The following ARHGAP5 variants were observed in gnomAD, a reference collection of about 807,000 sequenced individuals.
ARHGAP5 encodes the protein rho GTPase-activating protein 5.
A neutral mutation model predicts 116.6 loss-of-function variants in ARHGAP5; 23 were observed. The ratio of observed to expected loss-of-function variants is 0.20; its 90% CI spans 0.14 to 0.28. The LOEUF is 0.28. ARHGAP5 is among the 10% of genes least tolerant of loss of function. The probability of loss-of-function intolerance (pLI) is 1.00; values close to 1 mark genes in which losing one functional copy is unlikely to be tolerated. For synonymous variants in ARHGAP5, 574 were observed against 602.0 expected (o/e 0.95, Z 0.68); for missense variants, 1,405 against 1,774.8 (o/e 0.79, Z 3.74).
chr14:32,135,579 C>T (rs1260676979), intron 3 of ARHGAP5, among the ~76,000 whole-genome samples: 6 of 152,192 alleles, frequency 3.9e-5, no homozygotes, highest in African/African-American at 1.2e-4. Context: ...CATGCCACCA[C>T]ACCCAGCTAA....
intron 3 of ARHGAP5, among the ~76,000 whole-genome samples, chr14:32,144,007 G>A (rs1318358043): frequency 2.0e-5 from 3 of 152,136 alleles, no homozygotes; most frequent in Non-Finnish European, 4.4e-5. Context: ...GGTGCATTAT[G>A]CCCCCAGCTG....
intron 3 of ARHGAP5, among the ~76,000 whole-genome samples, chr14:32,122,768 T>C (rs1382383539): frequency 6.6e-6 from 1 of 152,230 alleles, no homozygotes; most frequent in African/African-American, 2.4e-5. Context: ...AAAAAGACTA[T>C]TCTACTGAAT....
At chr14:32,115,263 C>T (rs541439131) in intron 2 of ARHGAP5, among the ~76,000 whole-genome samples, 4 of 152,176 alleles carry the variant, frequency 2.6e-5, no homozygotes, top group Non-Finnish European at 1.5e-5. Context: ...ATCATTTTCC[C>T]TCTAATGCTA....
In ARHGAP5 at chr14:32,093,698, A is replaced by G. The variant is rs1238397503; in HGVS notation, c.3029A>G (p.Tyr1010Cys). ...LLPTPSDRSR[Y>C]RLDLEGNEYP... ...CCAACACCTAGTGACCGTTCCAGATATAGATTAGATTTGGAAGGAAATGAG... is the reference window on the plus strand; with the variant it reads ...CCAACACCTAGTGACCGTTCCAGATGTAGATTAGATTTGGAAGGAAATGAG... The change falls in exon 2 of 7, where the codon TAT becomes TGT. Residue 1010 changes from tyrosine (Y) to cysteine (C), a missense_variant. By Grantham distance (194) the Tyr-to-Cys change is radical. Transcript: ENST00000345122. 2 of 1,614,100 alleles carry G rather than the reference A, an allele frequency of 1.2e-6. No homozygotes were observed. Among genetic ancestry groups the G allele is most frequent in the East Asian group, 2.2e-5 (1 of 44,874 alleles).
At position 32,155,941 on chromosome 14, in the gene ARHGAP5, A is replaced by G. The variant is rs1037989033; in HGVS notation, c.*993A>G. 1 of 152,510 alleles carries G rather than the reference A, an allele frequency of 6.6e-6. No homozygotes were observed. Among genetic ancestry groups the G allele is most frequent in the African/African-American group, 2.4e-5 (1 of 41,440 alleles). 9.4% of individuals were successfully genotyped at this position (152,510 alleles called of 1,614,324 possible). ...TCAATTTAATTTGTTCCTTGAATCT[A>G]TTTTTATGTGGCCCTTAAAAAATAT... On this transcript the variant is annotated 3_prime_UTR_variant, in exon 7 of 7. Transcript: ENST00000345122.
chr14:32,136,899 A>AT (rs111913571), intron 3 of ARHGAP5, among the ~76,000 whole-genome samples: 141 of 148,484 alleles, frequency 9.5e-4, no homozygotes, highest in Non-Finnish European at 1.7e-3. Flanking sequence ...CTTTGGAGAA[A>AT]TTTTTTTTTT....
Position 32,091,622 on chromosome 14 carries a change from C to T in ARHGAP5, c.953C>T (p.Thr318Ile), listed in dbSNP as rs1191032467. 6 of 1,611,754 alleles carry T rather than the reference C, an allele frequency of 3.7e-6. No homozygotes were observed. The highest frequency in any genetic ancestry group is 5.1e-6 in the Non-Finnish European group (6 of 1,178,650). Residue 318 changes from threonine (T) to isoleucine (I), a missense_variant, in exon 2 of 7, where the codon ACA (threonine) becomes ATA (isoleucine). By Grantham distance (89) the Thr-to-Ile change is moderately conservative. Transcript: ENST00000345122. ...NLEGTRKARN[T>I]FSKHIEQLKQ... ...GAGGGAACAAGAAAGGCCAGAAATA[C>T]ATTCTCAAAACATATAGAACAACTT...
chr14:32,150,457 A>C (rs546660784), intron 5 of ARHGAP5, among the ~76,000 whole-genome samples: 27 of 152,246 alleles, frequency 1.8e-4, no homozygotes, highest in Non-Finnish European at 3.5e-4. Context: ...TATTTCTTAC[A>C]GTTCTAGAGG....
intron 3 of ARHGAP5, among the ~76,000 whole-genome samples, chr14:32,145,348 G>A (rs1022935650): frequency 6.6e-6 from 1 of 152,224 alleles, no homozygotes; most frequent in African/African-American, 2.4e-5. Context: ...AGTGAGGAGG[G>A]ACTCCATGCT....
Position 32,091,842 on chromosome 14 carries a change from T to C in ARHGAP5, c.1173T>C (p.His391=). 6.2e-7 allele frequency: 1 copy of C among 1,613,432 alleles called. No individual in the cohort carries two copies. Among genetic ancestry groups the C allele is most frequent in the Non-Finnish European group, 8.5e-7 (1 of 1,179,612 alleles). ...LEKTPWDETD[H]IDKINDRRIP... ...AAACTCCTTGGGATGAAACTGACCATATAGACAAAATTAATGATAGGCGGA... is the reference window on the plus strand; with the variant it reads ...AAACTCCTTGGGATGAAACTGACCACATAGACAAAATTAATGATAGGCGGA... The change falls in exon 2 of 7, where the codon CAT becomes CAC. Residue 391 remains histidine, a synonymous_variant. Coordinates refer to ENST00000345122, the MANE Select transcript of ARHGAP5 (RefSeq NM_001030055.2).
intron 2 of ARHGAP5, among the ~76,000 whole-genome samples, chr14:32,112,675 A>T (rs146273069): frequency 0.011 from 1,686 of 152,288 alleles, 14 homozygotes; most frequent in Non-Finnish European, 0.017. Context: ...GATCGAGACC[A>T]TCCTGGCTAA....
chr14:32,141,348 T>A (rs1395668232), intron 3 of ARHGAP5, among the ~76,000 whole-genome samples: 1 of 152,206 alleles, frequency 6.6e-6, no homozygotes, highest in East Asian at 1.9e-4. Context: ...TTTATAATAG[T>A]CATGTTTTAA....
intron 3 of ARHGAP5, among the ~76,000 whole-genome samples, chr14:32,136,388 G>C (rs1181732566): frequency 6.6e-6 from 1 of 152,122 alleles, no homozygotes; most frequent in African/African-American, 2.4e-5. Flanking sequence ...TTTTGTGTAT[G>C]GCTCTTTCAT....
Position 32,092,732 on chromosome 14 carries a change from A to G in ARHGAP5, c.2063A>G (p.Asp688Gly). 1 of 1,613,780 alleles carries G rather than the reference A, an allele frequency of 6.2e-7. No homozygotes were observed. Among genetic ancestry groups the G allele is most frequent in the East Asian group, 2.2e-5 (1 of 44,882 alleles). The change falls in exon 2 of 7, where the codon GAT becomes GGT. Residue 688 changes from aspartate (D) to glycine (G), a missense_variant. By Grantham distance (94) the Asp-to-Gly change is moderately conservative. Transcript: ENST00000345122. This position sits in a 1 kb window ranked among gnomAD's most constrained non-coding sequence, Gnocchi z 4.1. ...ACTGAAGCTTCTCAGATCAGAAAAG[A>G]TAAATACATGGCTAATCTTCCATTT... Reference protein sequence around the residue: ...IRTEASQIRKDKYMANLPFTL... With the variant: ...IRTEASQIRKGKYMANLPFTL...
intron 2 of ARHGAP5, among the ~76,000 whole-genome samples, chr14:32,116,407 G>A (rs550243519): frequency 6.2e-4 from 93 of 150,698 alleles, no homozygotes; most frequent in African/African-American, 2.1e-3. Flanking sequence ...TGGTTAACAC[G>A]GTGAAACCCG....
chr14:32,111,307 A>AC lies in ARHGAP5; in HGVS notation c.3718-5832dup, dbSNP rs374103460. ...CAGTCAGAGACTGATGAGGATATTC[A>AC]CAACATTACAGTGTTGATCAGGAGG... is the stretch of plus-strand genomic sequence containing the variant. On this transcript the variant is annotated intron_variant, in intron 2 of 6. Transcript: ENST00000345122. 7.6e-3 allele frequency among the ~76,000 whole-genome samples: 1,160 copies of AC among 152,336 alleles called. 5 individuals carry two copies. Among genetic ancestry groups the AC allele is most frequent in the Non-Finnish European group, 0.013 (904 of 68,028 alleles).
At chr14:32,153,525 T>C (rs1468785518) in intron 6 of ARHGAP5, among the ~76,000 whole-genome samples, 4 of 128,086 alleles carry the variant, frequency 3.1e-5, no homozygotes, top group Non-Finnish European at 6.4e-5. Flanking sequence ...CAGGCTGGAG[T>C]TCAGTGGCAT....
chr14:32,151,750 T>C (rs1881646906), intron 5 of ARHGAP5, among the ~76,000 whole-genome samples: 1 of 152,236 alleles, frequency 6.6e-6, no homozygotes, highest in African/African-American at 2.4e-5. Flanking sequence ...GCCTAACATA[T>C]TTATAAGTAA....
At chr14:32,085,983 A>G (rs943745521) in intron 1 of ARHGAP5, among the ~76,000 whole-genome samples, 1 of 152,200 alleles carries the variant, frequency 6.6e-6, no homozygotes. Context: ...GCATTTAATT[A>G]GTAGCTGTTA....
Sources: gnomAD v4.1 joint callset for allele counts (sites outside exome capture counted in the v4.1 genomes callset) on GRCh38, gnomAD v4.1.1 for gene constraint, Gnocchi (gnomAD v3.1) non-coding constraint, MANE v1.5 for transcripts, NCBI Gene and HGNC (gene_info 2026-07-23, HGNC 2026-07-21) for gene names.